MED13L: variants seen among roughly 807,000 people sequenced by gnomAD.
The protein encoded by MED13L is mediator complex subunit 13L.
A neutral mutation model predicts 220.9 loss-of-function variants in MED13L; 7 were observed. The ratio of observed to expected loss-of-function variants is 0.03; its 90% CI spans 0.02 to 0.06. MED13L has a LOEUF of 0.06. Among genes scored for constraint, MED13L ranks in the 10% least tolerant of loss-of-function variants. The probability of loss-of-function intolerance (pLI) is 1.00; values close to 1 mark genes in which losing one functional copy is unlikely to be tolerated. For synonymous variants in MED13L, 1,011 were observed against 1,015.2 expected, an observed-to-expected ratio of 1.00 and a Z score of 0.08; for missense variants, 1,965 against 2,760.5, an observed-to-expected ratio of 0.71 and a Z score of 6.46.
intron 1 of MED13L, among the ~76,000 whole-genome samples, chr12:116,239,486 C>G (rs573651968): frequency 7.9e-5 from 12 of 152,264 alleles, no homozygotes; most frequent in African/African-American, 2.9e-4. Context: ...ATATTTTTCA[C>G]TTATTTTTAT....
intron 4 of MED13L, among the ~76,000 whole-genome samples, chr12:116,093,177 G>A (rs897940478): frequency 6.6e-6 from 1 of 152,056 alleles, no homozygotes; most frequent in Non-Finnish European, 1.5e-5. Flanking sequence ...AACATATTCT[G>A]AATGCAAAAG....
rs1333239558 is a variant in MED13L at position 115,991,471 on chromosome 12, G to C, written c.3483C>G (p.Thr1161=). 3 of 1,614,150 alleles carry C rather than the reference G, an allele frequency of 1.9e-6. No homozygotes were observed. Among genetic ancestry groups the C allele is most frequent in the East Asian group, 4.5e-5 (2 of 44,870 alleles). ...DSSNEDQYRC[T]CGFSAIMNRK... ...GGTTCATAATCGCACTAAACCCACA[G>C]GTACAGCGGTACTGGTCCTCATTGG... The change falls in exon 17 of 31, where the codon ACC becomes ACG. Residue 1161 remains threonine (T), a synonymous_variant. Transcript: ENST00000281928. The surrounding 1 kb of genome is among the most constrained non-coding windows in gnomAD (Gnocchi z 7.7).
chr12:115,996,297 G>A (rs1438640080), intron 16 of MED13L, among the ~76,000 whole-genome samples, 179 bp downstream of exon 16: 4 of 151,960 alleles, frequency 2.6e-5, no homozygotes, highest in African/African-American at 9.7e-5. Flanking sequence ...TCACCATGTT[G>A]GCCAGGCTGG....
rs1390061867 is a variant in MED13L, at chr12:115,958,775, A to G, written c.*2491T>C. 6.6e-6 allele frequency: 1 copy of G among 152,542 alleles called. No homozygotes were observed. The highest frequency in any genetic ancestry group is 1.5e-5 in the Non-Finnish European group (1 of 68,026). The allele number at this position is 152,542 out of a possible 1,614,324, so 9.4% of individuals were successfully genotyped here. A position where few individuals can be genotyped will look rare whatever the true frequency, so the allele number is the denominator to read the frequency against. On this transcript the variant is annotated 3_prime_UTR_variant, in exon 31 of 31. Transcript: ENST00000281928. ...CTTCACATATTTTTGTATTCTTTCA[A>G]ATTGTTTGCTATATATAAAAGAAGC... is the stretch of plus-strand genomic sequence containing the variant.
intron 2 of MED13L, among the ~76,000 whole-genome samples, chr12:116,231,854 A>AAAGCTAGGAGGAGTGGAG (rs1461529412): frequency 1.3e-5 from 2 of 152,176 alleles, no homozygotes; most frequent in African/African-American, 2.4e-5. Flanking sequence ...TTAAAAATAA[A>AAAGCTAGGAGGAGTGGAG]AAGCTAGGAG....
intron 1 of MED13L, chr12:116,276,859 A>G: frequency 1.0e-6 from 1 of 1,000,342 alleles, no homozygotes; most frequent in Non-Finnish European, 1.4e-6. Context: ...TGATTTTTAA[A>G]GAGCCAAATA....
At chr12:116,263,032 C>T (rs1872613096) in intron 1 of MED13L, among the ~76,000 whole-genome samples, 1 of 152,134 alleles carries the variant, frequency 6.6e-6, no homozygotes, top group South Asian at 2.1e-4. Flanking sequence ...TAGTTAAGAA[C>T]TTGTATCTCA....
chr12:116,052,450 T>C (rs1868588816), intron 4 of MED13L, among the ~76,000 whole-genome samples: 1 of 152,228 alleles, frequency 6.6e-6, no homozygotes, highest in African/African-American at 2.4e-5. Context: ...AAGCATTAAC[T>C]AATGAGAAAA....
At chr12:116,005,486 G>A in intron 13 of MED13L, among the ~76,000 whole-genome samples, 1 of 152,120 alleles carries the variant, frequency 6.6e-6, no homozygotes, top group East Asian at 1.9e-4. Flanking sequence ...AAAAAGTTAT[G>A]TGGGCATTAC....
At chr12:116,219,997 A>G (rs564382231) in intron 2 of MED13L, among the ~76,000 whole-genome samples, 45 of 151,996 alleles carry the variant, frequency 3.0e-4, no homozygotes, top group Admixed American at 2.0e-4. Context: ...GGGTTTCACC[A>G]TCTTGGCCAG....
chr12:116,268,198 T>C (rs1317122255), intron 1 of MED13L, among the ~76,000 whole-genome samples: 1 of 152,168 alleles, frequency 6.6e-6, no homozygotes, highest in East Asian at 1.9e-4. Context: ...AGGGGGTAAC[T>C]AGTTCTGCCT....
chr12:116,211,884 T>C (rs1056990558), intron 2 of MED13L, among the ~76,000 whole-genome samples: 3 of 152,164 alleles, frequency 2.0e-5, no homozygotes, highest in Admixed American at 6.6e-5. Context: ...CACTTTCTAA[T>C]AGCATTGTGA....
At chr12:115,989,266 C>T (rs1185541724) in intron 17 of MED13L, among the ~76,000 whole-genome samples, 1 of 152,194 alleles carries the variant, frequency 6.6e-6, no homozygotes, top group Non-Finnish European at 1.5e-5. Flanking sequence ...ACAGCTCTCA[C>T]CACGGTCAGA....
intron 2 of MED13L, among the ~76,000 whole-genome samples, chr12:116,175,849 A>T (rs1243691160): frequency 6.6e-6 from 1 of 152,218 alleles, no homozygotes; most frequent in Non-Finnish European, 1.5e-5. Context: ...AATGCATAAT[A>T]ATAATAGGAG....
intron 2 of MED13L, among the ~76,000 whole-genome samples, chr12:116,219,794 GTTTTA>G (rs1273548143): frequency 6.6e-6 from 1 of 151,780 alleles, no homozygotes; most frequent in Non-Finnish European, 1.5e-5. Context: ...CAGTTTTTTT[GTTTTA>G]TTTTGTTTTG....
chr12:116,038,902 AT>A (rs147473832), intron 4 of MED13L, among the ~76,000 whole-genome samples: 100 of 149,746 alleles, frequency 6.7e-4, no homozygotes, highest in South Asian at 1.9e-3. Flanking sequence ...TTCCTCATCT[AT>A]TTTTTTTTCC....
chr12:116,229,508 CTCAGTA>C (rs1869340702), intron 2 of MED13L, among the ~76,000 whole-genome samples: 1 of 152,130 alleles, frequency 6.6e-6, no homozygotes, highest in Non-Finnish European at 1.5e-5. Context: ...TTAACACAAT[CTCAGTA>C]TGTCTCATTT....
At chr12:116,068,169 C>T (rs187364592) in intron 4 of MED13L, among the ~76,000 whole-genome samples, 3 of 152,174 alleles carry the variant, frequency 2.0e-5, no homozygotes, top group Admixed American at 6.5e-5. Context: ...AGGGGTTCTT[C>T]GTGAATCTAG....
intron 2 of MED13L, among the ~76,000 whole-genome samples, chr12:116,137,385 T>G (rs1342924476): frequency 6.6e-6 from 1 of 152,146 alleles, no homozygotes; most frequent in African/African-American, 2.4e-5. Context: ...TTTACAGATA[T>G]AGAAATCAAG....
Sources: allele counts gnomAD v4.1 joint callset (sites outside exome capture counted in the v4.1 genomes callset), GRCh38; gene constraint gnomAD v4.1.1; non-coding constraint Gnocchi (gnomAD v3.1); transcripts MANE v1.5; gene names NCBI Gene and HGNC (gene_info 2026-07-23, HGNC 2026-07-21).